Variants in KIRREL3 observed in about 807,000 individuals in gnomAD.
KIRREL3 encodes kin of IRRE-like protein 3.
A neutral mutation model predicts 89.7 loss-of-function variants in KIRREL3; 36 were observed. The observed-to-expected ratio is 0.40, with a 90% CI of 0.31 to 0.53. KIRREL3 has a LOEUF of 0.53. Ranked by LOEUF, KIRREL3 falls within the 20% of genes least tolerant of loss-of-function variation. The pLI, the probability that KIRREL3 is intolerant of heterozygous loss-of-function variation, is 0.49. For synonymous variants in KIRREL3, 445 were observed against 441.4 expected (o/e 1.01, Z -0.10); for missense variants, 864 against 1,056.6 (o/e 0.82, Z 2.53).
chr11:126,769,765 G>T lies in KIRREL3; in HGVS notation c.56-206853C>A, dbSNP rs1302717604. Among the ~76,000 whole-genome samples the T allele has an allele frequency of 6.6e-6, 1 of 152,158 alleles. No homozygotes were observed. The highest frequency in any genetic ancestry group is 1.5e-5 in the Non-Finnish European group (1 of 68,034). On this transcript the variant is annotated intron_variant, in intron 1 of 16. Coordinates refer to ENST00000525144, the MANE Select transcript of KIRREL3 (RefSeq NM_032531.4). This position sits in a 1 kb window ranked among gnomAD's most constrained non-coding sequence, Gnocchi z 4.3. ...GTGGAGGGTGCAGTGGTTTCCAGCT[G>T]GGGTTCTGGAATCAGACGACGCAGA...
intron 5 of KIRREL3, among the ~76,000 whole-genome samples, chr11:126,467,079 T>C (rs1161356520): frequency 6.6e-6 from 1 of 152,350 alleles, no homozygotes. Flanking sequence ...GCAGCATGTG[T>C]CCGGGAACGA....
At chr11:126,816,874 A>G (rs752798530) in intron 1 of KIRREL3, among the ~76,000 whole-genome samples, 2 of 152,214 alleles carry the variant, frequency 1.3e-5, no homozygotes, top group Non-Finnish European at 2.9e-5. Context: ...CTTATTGAAA[A>G]GGCACCCGGA....
At chr11:126,886,997 A>C (rs1332731070) in intron 1 of KIRREL3, among the ~76,000 whole-genome samples, 1 of 152,212 alleles carries the variant, frequency 6.6e-6, no homozygotes, top group Non-Finnish European at 1.5e-5. Flanking sequence ...CCAGAAAGTC[A>C]AAACCTAAGG....
At chr11:126,746,923 G>A (rs547379583) in intron 1 of KIRREL3, among the ~76,000 whole-genome samples, 1 of 152,196 alleles carries the variant, frequency 6.6e-6, no homozygotes, top group Non-Finnish European at 1.5e-5. Context: ...GAGAGGAGTG[G>A]TTTGTGGACC....
rs555410875 is a variant in KIRREL3, at chr11:126,843,915, T to C, written c.55+156540A>G. ...GGCTCAAAAGGGGAGGCATGAATAA[T>C]CCCCTTGTTTAGCATATTGTCAAGA... is the stretch of plus-strand genomic sequence containing the variant. On this transcript the variant is annotated intron_variant, in intron 1 of 16. Transcript: ENST00000525144. This position sits in a 1 kb window ranked among gnomAD's most constrained non-coding sequence, Gnocchi z 4.6. Among the ~76,000 whole-genome samples the C allele has an allele frequency of 7.2e-4, 109 of 152,214 alleles. No individual in the cohort carries two copies. Among genetic ancestry groups the C allele is most frequent in the Non-Finnish European group, 1.2e-3 (85 of 68,004 alleles).
chr11:126,632,935 T>C, intron 1 of KIRREL3, among the ~76,000 whole-genome samples: 1 of 151,068 alleles, frequency 6.6e-6, no homozygotes, highest in Non-Finnish European at 1.5e-5. Flanking sequence ...TTACTAAAAA[T>C]ACAAAAATTA....
In KIRREL3 at chr11:126,642,978, C is replaced by A. The variant is rs1009433447; in HGVS notation, c.56-80066G>T. ...AAAAAAAGGTACTTTGGCCTCCCTT[C>A]TTCCCTCCCATCCATCCATCCATCC... is the stretch of plus-strand genomic sequence containing the variant. On this transcript the variant is annotated intron_variant, in intron 1 of 16. Transcript: ENST00000525144. This position sits in a 1 kb window ranked among gnomAD's most constrained non-coding sequence, Gnocchi z 4.9. Among the ~76,000 whole-genome samples the A allele has an allele frequency of 3.3e-5, 5 of 151,922 alleles. No individual in the cohort carries two copies. The highest frequency in any genetic ancestry group is 1.2e-4 in the African/African-American group (5 of 41,302).
At chr11:126,556,306 T>G (rs1939702467) in intron 2 of KIRREL3, among the ~76,000 whole-genome samples, 1 of 151,980 alleles carries the variant, frequency 6.6e-6, no homozygotes, top group African/African-American at 2.4e-5. Flanking sequence ...TCCCTAGGAC[T>G]TGCTGAGGAC....
At position 126,830,696 on chromosome 11, in the gene KIRREL3, T is replaced by A. The variant is rs556141193; in HGVS notation, c.55+169759A>T. ...CGCATTCATTGTCTAACTGCCTGGA[T>A]GCAAAACTAACTTAGCATAGCAGCT... On this transcript the variant is annotated intron_variant, in intron 1 of 16. Transcript: ENST00000525144. The surrounding 1 kb of genome is among the most constrained non-coding windows in gnomAD (Gnocchi z 4.9). Among the ~76,000 whole-genome samples, 1 of 152,198 alleles carries A rather than the reference T, an allele frequency of 6.6e-6. No individual in the cohort carries two copies. The highest frequency in any genetic ancestry group is 6.5e-5 in the Admixed American group (1 of 15,286).
rs1233396798 is a variant in KIRREL3 at position 126,734,595 on chromosome 11, G to A, written c.56-171683C>T. Among the ~76,000 whole-genome samples, 2 of 152,142 alleles carry A rather than the reference G, an allele frequency of 1.3e-5. No homozygotes were observed. The highest frequency in any genetic ancestry group is 1.9e-4 in the East Asian group (1 of 5,190). ...AGAGAATCACTTGAACCTGGGAAGC[G>A]GAGGTTGCAGTGAGCCGAGATGTCA... On this transcript the variant is annotated intron_variant, in intron 1 of 16. Coordinates refer to ENST00000525144, the MANE Select transcript of KIRREL3 (RefSeq NM_032531.4). The surrounding 1 kb of genome is among the most constrained non-coding windows in gnomAD (Gnocchi z 5.9).
intron 2 of KIRREL3, among the ~76,000 whole-genome samples, chr11:126,534,622 G>A (rs1937694788): frequency 6.6e-6 from 1 of 152,186 alleles, no homozygotes; most frequent in African/African-American, 2.4e-5. Context: ...AGGCTGTTGT[G>A]ACCTGCAGGG....
In KIRREL3 at chr11:126,489,868, C is replaced by T. The variant is rs1051751412; in HGVS notation, c.434-16402G>A. ...CCTCTATCAAAAAACAGGATGGTGTCGAGTTGCAGTGGGTGCGCTGGGATC... is the reference window on the plus strand; with the variant it reads ...CCTCTATCAAAAAACAGGATGGTGTTGAGTTGCAGTGGGTGCGCTGGGATC... On this transcript the variant is annotated intron_variant, in intron 4 of 16. Transcript: ENST00000525144. This position sits in a 1 kb window ranked among gnomAD's most constrained non-coding sequence, Gnocchi z 5.5. 1.1e-4 allele frequency among the ~76,000 whole-genome samples: 16 copies of T among 151,964 alleles called. No individual in the cohort carries two copies. The highest frequency in any genetic ancestry group is 6.6e-4 in the Admixed American group (10 of 15,266).
rs1592375530 is a variant in KIRREL3, at chr11:126,924,575, T to G, written c.55+75880A>C. On this transcript the variant is annotated intron_variant, in intron 1 of 16. Transcript: ENST00000525144. This position sits in a 1 kb window ranked among gnomAD's most constrained non-coding sequence, Gnocchi z 4.7. The stretch of plus-strand genomic sequence containing the variant: ...CCACAGACTGCGCTTCAGCTGCTGC[T>G]GACTCCCTCCCAGAAGGCCCCAGAG... 1.3e-5 allele frequency among the ~76,000 whole-genome samples: 2 copies of G among 152,222 alleles called. No homozygotes were observed. Among genetic ancestry groups the G allele is most frequent in the East Asian group, 3.8e-4 (2 of 5,206 alleles).
chr11:126,488,942 C>T (rs1304433335), intron 4 of KIRREL3, among the ~76,000 whole-genome samples: 1 of 152,248 alleles, frequency 6.6e-6, no homozygotes, highest in Non-Finnish European at 1.5e-5. Flanking sequence ...CACATAGCCA[C>T]GGGCCTCGGA....
chr11:126,887,534 A>T (rs1162811164), intron 1 of KIRREL3, among the ~76,000 whole-genome samples: 1 of 152,128 alleles, frequency 6.6e-6, no homozygotes, highest in Non-Finnish European at 1.5e-5. Flanking sequence ...GTTGTTCTGT[A>T]ACCCACCCCT....
Position 126,641,671 on chromosome 11 carries a change from C to A in KIRREL3, c.56-78759G>T, listed in dbSNP as rs1944479582. On this transcript the variant is annotated intron_variant, in intron 1 of 16. Coordinates refer to ENST00000525144, the MANE Select transcript of KIRREL3 (RefSeq NM_032531.4). This position sits in a 1 kb window ranked among gnomAD's most constrained non-coding sequence, Gnocchi z 5.0. ...CCCACTGCACCCTTGCAGCTGACTC[C>A]ATACCCCTATTACATAACACAAGTC... 6.6e-6 allele frequency among the ~76,000 whole-genome samples: 1 copy of A among 152,178 alleles called. No individual in the cohort carries two copies. Among genetic ancestry groups the A allele is most frequent in the South Asian group, 2.1e-4 (1 of 4,822 alleles).
chr11:126,589,956 C>T (rs372796847), intron 1 of KIRREL3, among the ~76,000 whole-genome samples: 32 of 152,352 alleles, frequency 2.1e-4, no homozygotes, highest in African/African-American at 5.8e-4. Context: ...TCCTTAGGAG[C>T]AGGGGCTCCC....
chr11:126,465,233 A>C (rs1201049224), intron 5 of KIRREL3, among the ~76,000 whole-genome samples: 1 of 151,770 alleles, frequency 6.6e-6, no homozygotes, highest in African/African-American at 2.4e-5. Flanking sequence ...CTCCCTCAAA[A>C]CCTCCCATAA....
rs980855324 is a variant in KIRREL3, at chr11:126,768,013, C to T, written c.56-205101G>A. 2.0e-5 allele frequency among the ~76,000 whole-genome samples: 3 copies of T among 152,234 alleles called. No individual in the cohort carries two copies. Among genetic ancestry groups the T allele is most frequent in the African/African-American group, 7.2e-5 (3 of 41,468 alleles). ...AATAATCTTCATGACATCCAAAGCC[C>T]TGTGTTCTGCTTCTGAAATGTCTCT... On this transcript the variant is annotated intron_variant, in intron 1 of 16. Coordinates refer to ENST00000525144, the MANE Select transcript of KIRREL3 (RefSeq NM_032531.4). This position sits in a 1 kb window ranked among gnomAD's most constrained non-coding sequence, Gnocchi z 4.5.
Sources: allele counts gnomAD v4.1 joint callset (sites outside exome capture counted in the v4.1 genomes callset), GRCh38; gene constraint gnomAD v4.1.1; non-coding constraint Gnocchi (gnomAD v3.1); transcripts MANE v1.5; gene names NCBI Gene and HGNC (gene_info 2026-07-23, HGNC 2026-07-21).